Variants in FSTL1 observed in about 807,000 individuals in gnomAD.
FSTL1 encodes the protein follistatin-related protein 1.
Under a neutral mutation model 45.9 loss-of-function variants are expected in FSTL1, and 24 were observed. That is an observed-to-expected ratio of 0.52 (90% confidence interval 0.38 to 0.74). The LOEUF (loss-of-function observed/expected upper bound fraction) is 0.74, where lower values mean the gene tolerates loss of function less well. Among genes scored for constraint, FSTL1 ranks in the 30% least tolerant of loss-of-function variants. The probability of loss-of-function intolerance (pLI) is 0.00; values close to 1 mark genes in which losing one functional copy is unlikely to be tolerated. For missense variants in FSTL1, 340 were observed against 381.8 expected (o/e 0.89, Z 0.91); for synonymous variants, 120 against 137.6 (o/e 0.87, Z 0.89).
intron 6 of FSTL1, among the ~76,000 whole-genome samples, chr3:120,409,214 A>C (rs1405609706): frequency 6.6e-6 from 1 of 152,222 alleles, no homozygotes; most frequent in Admixed American, 6.5e-5. Context: ...ATTAACAGCC[A>C]GATCCATAAG....
At chr3:120,409,461 G>C in intron 6 of FSTL1, 71 bp downstream of exon 6, 6 of 1,364,436 alleles carry the variant, frequency 4.4e-6, no homozygotes, top group Non-Finnish European at 6.2e-6. Context: ...GGGAAGGTGT[G>C]ATCGGGCAAT....
intron 2 of FSTL1, among the ~76,000 whole-genome samples, chr3:120,441,591 A>C (rs1290217761): frequency 2.0e-5 from 3 of 152,252 alleles, no homozygotes; most frequent in Admixed American, 1.3e-4. Flanking sequence ...AGAGAAAAAG[A>C]AGCAAGGAGA....
intron 6 of FSTL1, among the ~76,000 whole-genome samples, chr3:120,408,009 A>T (rs1936979007): frequency 6.6e-6 from 1 of 152,232 alleles, no homozygotes; most frequent in South Asian, 2.1e-4. Context: ...GTGCCATCAA[A>T]GGGCCACTAA....
chr3:120,429,993 A>C (rs1937449462), intron 2 of FSTL1, among the ~76,000 whole-genome samples: 1 of 152,148 alleles, frequency 6.6e-6, no homozygotes, highest in African/African-American at 2.4e-5. Flanking sequence ...CCAGGAGTGC[A>C]TTCTTACACA....
Position 120,395,458 on chromosome 3 carries a change from C to T in FSTL1, c.*1494G>A. ...ATCTGAAACTTTCTTTTATCCTCAT[C>T]TCTAAGGGAATGCTTTCTATTTCCA... On this transcript the variant is annotated 3_prime_UTR_variant, in exon 11 of 11. Coordinates refer to ENST00000295633, the MANE Select transcript of FSTL1 (RefSeq NM_007085.5). 2.7e-6 allele frequency: 1 copy of T among 370,430 alleles called. No individual in the cohort carries two copies. Among genetic ancestry groups the T allele is most frequent in the East Asian group, 7.6e-5 (1 of 13,130 alleles). The allele number at this position is 370,430 out of a possible 1,614,324, so 22.9% of individuals were successfully genotyped here.
chr3:120,438,946 G>A (rs1050230455), intron 2 of FSTL1, among the ~76,000 whole-genome samples: 1 of 152,152 alleles, frequency 6.6e-6, no homozygotes, highest in African/African-American at 2.4e-5. Context: ...TTTCCTATGT[G>A]TGCGACTCGT....
In FSTL1 at chr3:120,443,609, G is replaced by GAC. The variant is rs148959628; in HGVS notation, c.63+7073_63+7074dup. 3.9e-4 allele frequency among the ~76,000 whole-genome samples: 58 copies of GAC among 149,310 alleles called. 1 individual carries two copies. The highest frequency in any genetic ancestry group is 1.7e-3 in the East Asian group (9 of 5,172). On this transcript the variant is annotated intron_variant, in intron 2 of 10. Transcript: ENST00000295633. Reference sequence around the variant, plus strand: ...ACATCAATTCAAGCCAATATCCCATGACACACACACACACATGCACACATG... The same window carrying GAC: ...ACATCAATTCAAGCCAATATCCCATGACACACACACACACACATGCACACATG...
chr3:120,408,060 G>T (rs75171573), intron 6 of FSTL1, among the ~76,000 whole-genome samples: 8,280 of 152,336 alleles, frequency 0.054, 313 homozygotes, highest in East Asian at 0.17. Flanking sequence ...GGGAAGGAGT[G>T]TCCTGGGCCC....
chr3:120,400,847 G>A (rs1936810773), intron 9 of FSTL1, among the ~76,000 whole-genome samples: 2 of 152,138 alleles, frequency 1.3e-5, no homozygotes, highest in African/African-American at 4.8e-5. Flanking sequence ...ACGTGCTCAG[G>A]CCCCTGGGGC....
rs1388153706 is a variant in FSTL1, at chr3:120,393,977, A to AATACATTTCTGTTGCCT, written c.*2958_*2974dup. 2.0e-5 allele frequency: 3 copies of AATACATTTCTGTTGCCT among 152,230 alleles called. No homozygotes were observed. The highest frequency in any genetic ancestry group is 1.3e-4 in the Admixed American group (2 of 15,288). The allele number at this position is 152,230 out of a possible 1,614,324, so 9.4% of individuals were successfully genotyped here. A position where few individuals can be genotyped will look rare whatever the true frequency, so the allele number is the denominator to read the frequency against. On this transcript the variant is annotated 3_prime_UTR_variant, in exon 11 of 11. Transcript: ENST00000295633. ...CTTCCCAGCCTTCAGAACTGTGAGC[A>AATACATTTCTGTTGCCT]ATACATTTCTGTTGCCTATAATTAC...
chr3:120,422,726 G>A (rs987957075), intron 2 of FSTL1, among the ~76,000 whole-genome samples: 1 of 150,348 alleles, frequency 6.7e-6, no homozygotes, highest in African/African-American at 2.5e-5. Context: ...ATGGAGTCTC[G>A]CTCTGGTGCC....
At chr3:120,434,687 T>A (rs771556696) in intron 2 of FSTL1, among the ~76,000 whole-genome samples, 6 of 152,190 alleles carry the variant, frequency 3.9e-5, no homozygotes, top group Admixed American at 3.3e-4. Flanking sequence ...TGGACTTCAC[T>A]CACTACACAC....
At chr3:120,412,195 C>T (rs1177905145) in intron 3 of FSTL1, among the ~76,000 whole-genome samples, 1 of 152,218 alleles carries the variant, frequency 6.6e-6, no homozygotes, top group South Asian at 2.1e-4. Context: ...CATGCCTATC[C>T]TGGTCCAGGG....
chr3:120,427,597 A>C (rs1401352867), intron 2 of FSTL1, among the ~76,000 whole-genome samples: 2 of 152,182 alleles, frequency 1.3e-5, no homozygotes, highest in Non-Finnish European at 2.9e-5. Context: ...CTCCACCACC[A>C]GGCCATATAT....
rs1162184117 is a variant in FSTL1, at chr3:120,396,847, G to C, written c.*105C>G. ...CAAAATAAAACTCATTGCTATATAA[G>C]CAAATACTGGTGATTTGGCGACTGT... On this transcript the variant is annotated 3_prime_UTR_variant, in exon 11 of 11. Coordinates refer to ENST00000295633, the MANE Select transcript of FSTL1 (RefSeq NM_007085.5). The C allele has an allele frequency of 1.2e-6, 1 of 805,016 alleles. No homozygotes were observed. Among genetic ancestry groups the C allele is most frequent in the African/African-American group, 1.7e-5 (1 of 58,354 alleles). 49.9% of individuals were successfully genotyped at this position (805,016 alleles called of 1,614,324 possible).
intron 3 of FSTL1, among the ~76,000 whole-genome samples, chr3:120,414,391 G>T (rs1183937699): frequency 6.6e-6 from 1 of 152,142 alleles, no homozygotes; most frequent in Non-Finnish European, 1.5e-5. Context: ...TCTCTGCCCG[G>T]CCGCCCATCG....
intron 3 of FSTL1, among the ~76,000 whole-genome samples, chr3:120,414,443 G>A (rs1937148916): frequency 6.6e-6 from 1 of 152,242 alleles, no homozygotes; most frequent in Non-Finnish European, 1.5e-5. Flanking sequence ...GCCCCTACTG[G>A]GAAGTGAGGA....
chr3:120,413,537 A>G (rs1937112064), intron 3 of FSTL1, among the ~76,000 whole-genome samples: 1 of 152,038 alleles, frequency 6.6e-6, no homozygotes, highest in African/African-American at 2.4e-5. Flanking sequence ...TCTGGCTTTT[A>G]GGTTTCTGAG....
intron 5 of FSTL1, 62 bp from the exon 6 acceptor site, chr3:120,409,724 A>T: frequency 5.8e-6 from 9 of 1,542,118 alleles, no homozygotes; most frequent in Non-Finnish European, 8.0e-6. Flanking sequence ...GATATCTGGC[A>T]CCCACTGTGT....
Sources: allele counts gnomAD v4.1 joint callset (sites outside exome capture counted in the v4.1 genomes callset), GRCh38; gene constraint gnomAD v4.1.1; transcripts MANE v1.5; gene names NCBI Gene and HGNC (gene_info 2026-07-23, HGNC 2026-07-21).